The following RANBP2 variants were observed in gnomAD, a reference collection of about 807,000 sequenced individuals.
RANBP2 encodes E3 SUMO-protein ligase RanBP2.
A neutral mutation model predicts 303.6 loss-of-function variants in RANBP2; 57 were observed. The ratio of observed to expected loss-of-function variants is 0.19; its 90% confidence interval spans 0.15 to 0.23. The LOEUF (loss-of-function observed/expected upper bound fraction) is 0.23, where lower values mean the gene tolerates loss of function less well. Ranked by LOEUF, RANBP2 falls within the 10% of genes least tolerant of loss-of-function variation. The probability of loss-of-function intolerance (pLI) is 1.00; values close to 1 mark genes in which losing one functional copy is unlikely to be tolerated. For missense variants in RANBP2, 3,138 were observed against 3,780.8 expected (o/e 0.83, Z 4.46); for synonymous variants, 1,167 against 1,301.5 (o/e 0.90, Z 2.23).
chr2:109,188,635 C>T, the RANBP2 span, among the ~76,000 whole-genome samples: 2 of 152,170 alleles, frequency 1.3e-5, no homozygotes, highest in African/African-American at 4.8e-5. Context: ...CAGTCATCCA[C>T]CTGGGCTGCA....
chr2:109,317,980 C>T, the RANBP2 span, among the ~76,000 whole-genome samples: 3 of 151,928 alleles, frequency 2.0e-5, no homozygotes, highest in East Asian at 5.9e-4. Flanking sequence ...TGGCAAAGGC[C>T]AAGGATGGCC....
At chr2:109,300,320 T>G in the RANBP2 span, among the ~76,000 whole-genome samples, 2 of 152,078 alleles carry the variant, frequency 1.3e-5, no homozygotes, top group African/African-American at 4.8e-5. Context: ...GCTGGGACTA[T>G]AGTCGCACGC....
chr2:109,708,860 C>T, the RANBP2 span, among the ~76,000 whole-genome samples: 1 of 151,538 alleles, frequency 6.6e-6, no homozygotes, highest in Non-Finnish European at 1.5e-5. Flanking sequence ...CCTGTAATCC[C>T]AGCTACTTGG....
the RANBP2 span, among the ~76,000 whole-genome samples, chr2:108,979,454 G>C: frequency 0.63 from 73,077 of 115,976 alleles, 19,967 homozygotes; most frequent in South Asian, 0.79. Context: ...CTCTGTCTCT[G>C]TCTCTCTCTC....
At chr2:108,993,530 T>C in the RANBP2 span, among the ~76,000 whole-genome samples, 1 of 152,264 alleles carries the variant, frequency 6.6e-6, no homozygotes, top group African/African-American at 2.4e-5. Context: ...GGGGGAGTAT[T>C]TGCACAGAGG....
At chr2:109,368,072 T>C in the RANBP2 span, among the ~76,000 whole-genome samples, 1 of 152,254 alleles carries the variant, frequency 6.6e-6, no homozygotes, top group Non-Finnish European at 1.5e-5. Flanking sequence ...TTTTAAAATA[T>C]GTTTAATGGA....
intron 8 of RANBP2, among the ~76,000 whole-genome samples, chr2:108,747,191 G>A (rs1696580941): frequency 1.3e-5 from 2 of 152,224 alleles, no homozygotes; most frequent in African/African-American, 4.8e-5. Flanking sequence ...AGAGCTGAGA[G>A]CGTAGGGAGG....
downstream of RANBP2, chr2:108,786,793 C>T (rs373787363): frequency 1.5e-5 from 23 of 1,563,796 alleles, no homozygotes; most frequent in African/African-American, 6.8e-5. Flanking sequence ...AACGCGGTTC[C>T]CGGGGAGACT....
At chr2:108,866,471 T>C in the RANBP2 span, among the ~76,000 whole-genome samples, 1 of 152,270 alleles carries the variant, frequency 6.6e-6, no homozygotes, top group Admixed American at 6.5e-5. Flanking sequence ...TTGAGAATTA[T>C]CTTGGTACCA....
At chr2:109,247,484 A>C in the RANBP2 span, among the ~76,000 whole-genome samples, 1 of 152,190 alleles carries the variant, frequency 6.6e-6, no homozygotes, top group Non-Finnish European at 1.5e-5. Context: ...TTTTTGTGCA[A>C]AACCATTATT....
chr2:109,689,816 AAG>A, the RANBP2 span, among the ~76,000 whole-genome samples: 6 of 152,154 alleles, frequency 3.9e-5, no homozygotes, highest in East Asian at 1.2e-3. Flanking sequence ...CTCTTTTGTT[AAG>A]AGTTATTCCA....
At chr2:109,483,954 C>T in the RANBP2 span, among the ~76,000 whole-genome samples, 1 of 152,170 alleles carries the variant, frequency 6.6e-6, no homozygotes, top group South Asian at 2.1e-4. Flanking sequence ...CCCCCGCCAT[C>T]CCTGTGCCTC....
chr2:109,231,866 T>C, the RANBP2 span, among the ~76,000 whole-genome samples: 1 of 152,266 alleles, frequency 6.6e-6, no homozygotes, highest in Non-Finnish European at 1.5e-5. Context: ...AACAGCTTTA[T>C]TGAGATGTAA....
chr2:109,314,917 G>A, the RANBP2 span, among the ~76,000 whole-genome samples: 3 of 152,192 alleles, frequency 2.0e-5, no homozygotes, highest in African/African-American at 4.8e-5. Context: ...GTGACCAAAA[G>A]AAACTTCGTC....
the RANBP2 span, among the ~76,000 whole-genome samples, chr2:109,151,573 G>A: frequency 6.6e-6 from 1 of 152,214 alleles, no homozygotes; most frequent in Non-Finnish European, 1.5e-5. Flanking sequence ...TCGGCATGTA[G>A]TTACTATGAA....
chr2:109,047,587 TCA>T, the RANBP2 span, among the ~76,000 whole-genome samples: 1 of 152,152 alleles, frequency 6.6e-6, no homozygotes, highest in Non-Finnish European at 1.5e-5. Flanking sequence ...GGTGGGTGGA[TCA>T]CTTGAAGTCA....
the RANBP2 span, among the ~76,000 whole-genome samples, chr2:108,921,412 G>T: frequency 6.6e-6 from 1 of 152,202 alleles, no homozygotes; most frequent in African/African-American, 2.4e-5. Context: ...GAGTACCAAG[G>T]ATGTGCACTT....
the RANBP2 span, among the ~76,000 whole-genome samples, chr2:109,429,882 G>C: frequency 6.6e-6 from 1 of 152,326 alleles, no homozygotes; most frequent in South Asian, 2.1e-4. Flanking sequence ...GCTGTGCAGG[G>C]AGCCTGCAGT....
chr2:109,398,278 G>A, the RANBP2 span, among the ~76,000 whole-genome samples: 3 of 152,150 alleles, frequency 2.0e-5, no homozygotes, highest in African/African-American at 4.8e-5. Context: ...TCTGCAAGGC[G>A]GCACCGTGCA....
Sources: gnomAD v4.1 joint callset for allele counts (sites outside exome capture counted in the v4.1 genomes callset) on GRCh38, gnomAD v4.1.1 for gene constraint, MANE v1.5 for transcripts, NCBI Gene and HGNC (gene_info 2026-07-23, HGNC 2026-07-21) for gene names.